The following NUMBL variants were observed in gnomAD, a reference collection of about 807,000 sequenced individuals.
NUMBL encodes the protein NUMB like endocytic adaptor protein.
NUMBL carries 20 observed loss-of-function variants against 48.9 expected under a neutral mutation model. The ratio of observed to expected loss-of-function variants is 0.41; its 90% confidence interval spans 0.29 to 0.59. The LOEUF (loss-of-function observed/expected upper bound fraction) is 0.59. Among genes scored for constraint, NUMBL ranks in the 20% least tolerant of loss-of-function variants. The probability of loss-of-function intolerance (pLI) is 0.31; values close to 1 mark genes in which losing one functional copy is unlikely to be tolerated. For synonymous variants in NUMBL, 340 were observed against 348.7 expected, an observed-to-expected ratio of 0.98 and a Z score of 0.28; for missense variants, 660 against 846.2, an observed-to-expected ratio of 0.78 and a Z score of 2.73.
chr19:40,686,374 G>C (rs996842827), intron 2 of NUMBL, among the ~76,000 whole-genome samples: 1 of 127,772 alleles, frequency 7.8e-6, no homozygotes, highest in African/African-American at 3.2e-5. Flanking sequence ...GGCTGGTCTC[G>C]AACTCCTGAC....
rs1261976441 is a variant in NUMBL at position 40,673,570 on chromosome 19, G to A, written c.810C>T (p.Ser270=). 1.3e-6 allele frequency: 2 copies of A among 1,546,960 alleles called. No homozygotes were observed. The highest frequency in any genetic ancestry group is 1.7e-6 in the Non-Finnish European group (2 of 1,143,618). ...TGCCTGCCTCACCCTTCTCACCAGG[G>A]GATGTGGTGGCTGGTGTCGGGGACA... The part of the protein sequence containing the change: ...GHVSPTPATT[S]PGEKGEAGTP... The change falls in exon 8 of 10, where the codon TCC becomes TCT. Residue 270 remains serine (S), a synonymous_variant. Transcript: ENST00000252891. This position sits in a 1 kb window ranked among gnomAD's most constrained non-coding sequence, Gnocchi z 5.9.
Position 40,677,229 on chromosome 19 carries a change from C to T in NUMBL, c.730+3G>A. On this transcript the variant is annotated splice_donor_region_variant and intron_variant, in intron 7 of 9. Transcript: ENST00000252891. ...CTCTGCTGGCGCTTGGGGCAACACC[C>T]ACCTTTCTTCTTGTCCGGGGCCTCT... 6.4e-7 allele frequency: 1 copy of T among 1,553,986 alleles called. No homozygotes were observed. The highest frequency in any genetic ancestry group is 8.7e-7 in the Non-Finnish European group (1 of 1,149,408).
rs2081944501 is a variant in NUMBL, at chr19:40,688,258, C to A, written c.25-1263G>T. On this transcript the variant is annotated intron_variant, in intron 1 of 9. Coordinates refer to ENST00000252891, the MANE Select transcript of NUMBL (RefSeq NM_004756.5). This position sits in a 1 kb window ranked among gnomAD's most constrained non-coding sequence, Gnocchi z 4.6. ...AACATATAGCCTTTCTTCATGCAGG[C>A]ACACAAGTCACACAGACAAGTATGT... is the stretch of plus-strand genomic sequence containing the variant. Among the ~76,000 whole-genome samples, 1 of 152,218 alleles carries A rather than the reference C, an allele frequency of 6.6e-6. No individual in the cohort carries two copies. Among genetic ancestry groups the A allele is most frequent in the Non-Finnish European group, 1.5e-5 (1 of 68,036 alleles).
chr19:40,669,825 G>A (rs772003222), intron 9 of NUMBL, 73 bp downstream of exon 9: 95 of 1,560,432 alleles, frequency 6.1e-5, no homozygotes, highest in Admixed American at 2.6e-4. Context: ...GGAGTGTCTG[G>A]GTAGCCCTGG....
intron 7 of NUMBL, among the ~76,000 whole-genome samples, chr19:40,675,805 T>G (rs1251319251): frequency 6.6e-6 from 1 of 152,154 alleles, no homozygotes; most frequent in East Asian, 1.9e-4. Context: ...TATTTAACCC[T>G]TATGCCATTC....
At position 40,666,047 on chromosome 19, in the gene NUMBL, T is replaced by C. The variant is rs1453116566; in HGVS notation, c.*1421A>G. The C allele has an allele frequency of 6.6e-6, 1 of 152,034 alleles. No homozygotes were observed. The highest frequency in any genetic ancestry group is 1.5e-5 in the Non-Finnish European group (1 of 68,036). 9.4% of individuals were successfully genotyped at this position (152,034 alleles called of 1,614,324 possible). On this transcript the variant is annotated 3_prime_UTR_variant, in exon 10 of 10. Coordinates refer to ENST00000252891, the MANE Select transcript of NUMBL (RefSeq NM_004756.5). ...ACACTTTGGCCAGAGTTATGGAAAA[T>C]GCTGACAAAACAAGAATTTGCCAGC...
rs1373044962 is a variant in NUMBL at position 40,682,301 on chromosome 19, A to AT, written c.399+426dup. 2.6e-5 allele frequency among the ~76,000 whole-genome samples: 4 copies of AT among 151,388 alleles called. No homozygotes were observed. The highest frequency in any genetic ancestry group is 5.9e-5 in the Non-Finnish European group (4 of 67,820). On this transcript the variant is annotated intron_variant, in intron 5 of 9. Transcript: ENST00000252891. This position sits in a 1 kb window ranked among gnomAD's most constrained non-coding sequence, Gnocchi z 4.0. ...ACCACCATGTCCAGCTAATTTTTGTATTTTTAGTGAGATGAGGTTTCACCA... is the reference window on the plus strand; with the variant it reads ...ACCACCATGTCCAGCTAATTTTTGTATTTTTTAGTGAGATGAGGTTTCACCA...
intron 6 of NUMBL, among the ~76,000 whole-genome samples, chr19:40,678,458 C>T (rs1599908268): frequency 6.6e-6 from 1 of 152,082 alleles, no homozygotes. Context: ...CCACCATGCC[C>T]GGCCGGGATT....
rs778206793 is a variant in NUMBL at position 40,667,656 on chromosome 19, C to T, written c.1642G>A (p.Ala548Thr). 2 of 1,563,786 alleles carry T rather than the reference C, an allele frequency of 1.3e-6. No individual in the cohort carries two copies. The highest frequency in any genetic ancestry group is 4.7e-5 in the East Asian group (2 of 42,290). ...CGAGGGCGGGCCTGGCTCCCAGGGG[C>T]ACTGGGTATGGCAGGGGGCGGGAAG... ...GAFPPPAIPS[A>T]PGSQARPRPN... The change falls in exon 10 of 10, where the codon GCC becomes ACC. Residue 548 changes from alanine (A) to threonine (T), a missense_variant. This residue lies in a region of NUMBL where 296 missense variants were observed against 339.7 expected (regional missense o/e 0.87). Coordinates refer to ENST00000252891, the MANE Select transcript of NUMBL (RefSeq NM_004756.5). This position sits in a 1 kb window ranked among gnomAD's most constrained non-coding sequence, Gnocchi z 6.1.
intron 3 of NUMBL, among the ~76,000 whole-genome samples, chr19:40,683,924 C>A (rs912046502): frequency 6.6e-6 from 1 of 151,838 alleles, no homozygotes; most frequent in African/African-American, 2.4e-5. Context: ...ACTACAGGTG[C>A]GTGCCACTGT....
rs77286649 is a variant in NUMBL at position 40,686,733 on chromosome 19, G to A, written c.109+178C>T. On this transcript the variant is annotated intron_variant, in intron 2 of 9. Coordinates refer to ENST00000252891, the MANE Select transcript of NUMBL (RefSeq NM_004756.5). Reference sequence around the variant, plus strand: ...TGACTCTGCACTTGAGGCTGTAAGGGTGTCAGGGTGTGGGTCTGTGCATGA... The same window carrying A: ...TGACTCTGCACTTGAGGCTGTAAGGATGTCAGGGTGTGGGTCTGTGCATGA... 8.5e-3 allele frequency among the ~76,000 whole-genome samples: 1,288 copies of A among 152,196 alleles called. 23 individuals carry two copies. The highest frequency in any genetic ancestry group is 0.029 in the African/African-American group (1,192 of 41,490).
chr19:40,680,799 A>G (rs1458750261), intron 6 of NUMBL, 118 bp downstream of exon 6: 9 of 1,150,224 alleles, frequency 7.8e-6, no homozygotes, highest in African/African-American at 1.5e-5. Context: ...TCTTCTCCAG[A>G]TGAGGAAACT....
chr19:40,690,497 GC>G lies in NUMBL; in HGVS notation c.-15del. 3.1e-6 allele frequency: 4 copies of G among 1,277,234 alleles called. No individual in the cohort carries two copies. The South Asian group carries it at 8.1e-5, about 26-fold the overall frequency. The allele number at this position is 1,277,234 out of a possible 1,614,324, so 79.1% of individuals were successfully genotyped here. On this transcript the variant is annotated 5_prime_UTR_variant, in exon 1 of 10. Transcript: ENST00000252891. ...GCTGCGGGACATCCAGGGCCCGGGC[GC>G]CCCCGCCTCCCGCGGCCCTGGCTGG...
chr19:40,680,727 G>C (rs1041197417), intron 6 of NUMBL, among the ~76,000 whole-genome samples, 190 bp downstream of exon 6: 1 of 152,206 alleles, frequency 6.6e-6, no homozygotes, highest in African/African-American at 2.4e-5. Flanking sequence ...GGGATTACAG[G>C]TGTGAGCCAC....
chr19:40,682,769 C>A lies in NUMBL; in HGVS notation c.358G>T (p.Val120Leu). The change falls in exon 5 of 10, where the codon GTG becomes TTG. Residue 120 changes from valine to leucine, a missense_variant. Val to Leu is a conservative substitution (Grantham distance 32, BLOSUM62 1). Around this residue, in one of 3 missense-constraint regions of NUMBL, gnomAD observed 278 missense variants for 420.6 expected, o/e 0.66. Transcript: ENST00000252891. The surrounding 1 kb of genome is among the most constrained non-coding windows in gnomAD (Gnocchi z 4.0). ...GRKSVKSVLWVSADGLRVVDD... is the reference protein window; with the variant it reads ...GRKSVKSVLWLSADGLRVVDD... ...ACCACTCGGAGCCCATCGGCTGACA[C>A]CCACAGGACAGACTTCACGGACTTT... 2.5e-6 allele frequency: 4 copies of A among 1,614,202 alleles called. No homozygotes were observed. The highest frequency in any genetic ancestry group is 3.4e-6 in the Non-Finnish European group (4 of 1,180,046).
chr19:40,667,954 G>A lies in NUMBL; in HGVS notation c.1344C>T (p.Ala448=), dbSNP rs1357788235. Residue 448 remains alanine (A), a synonymous_variant, in exon 10 of 10, where the codon GCC becomes GCT. Transcript: ENST00000252891. The surrounding 1 kb of genome is among the most constrained non-coding windows in gnomAD (Gnocchi z 6.1). ...GCATGGTGGGCACTGGGGCCACTGA[G>A]GCTGCTTGCTGCTGTTGCTGCTGCT... is the stretch of plus-strand genomic sequence containing the variant. The part of the protein sequence containing the change: ...QQQQQQQQQA[A]SVAPVPTMPP... 1.9e-6 allele frequency: 3 copies of A among 1,566,020 alleles called. No homozygotes were observed. Among genetic ancestry groups the A allele is most frequent in the East Asian group, 4.7e-5 (2 of 42,386 alleles).
At chr19:40,679,780 G>A (rs567886240) in intron 6 of NUMBL, among the ~76,000 whole-genome samples, 1 of 152,242 alleles carries the variant, frequency 6.6e-6, no homozygotes, top group Admixed American at 6.5e-5. Flanking sequence ...TCCACAGAGA[G>A]ACAAAGCAGA....
In NUMBL at chr19:40,667,459, C is replaced by T. The variant is rs200768143; in HGVS notation, c.*9G>A. The T allele has an allele frequency of 1.8e-4, 294 of 1,601,206 alleles. 1 individual carries two copies. In the African/African-American group the frequency reaches 3.1e-3, roughly 17 times the overall value. On this transcript the variant is annotated 3_prime_UTR_variant, in exon 10 of 10. Coordinates refer to ENST00000252891, the MANE Select transcript of NUMBL (RefSeq NM_004756.5). This position sits in a 1 kb window ranked among gnomAD's most constrained non-coding sequence, Gnocchi z 6.1. The stretch of plus-strand genomic sequence containing the variant: ...CCTGGAGATGATGGAGTGGGTGGGG[C>T]GGCTCGGGCTACAGTTCAATCTCGA...
rs2081815335 is a variant in NUMBL at position 40,667,373 on chromosome 19, G to A, written c.*95C>T. ...GGGGGTGTTGAGAGGGTGTTGAGGGGCGCAGCCCCAGGGAGCAGGGTTAGG... is the reference window on the plus strand; with the variant it reads ...GGGGGTGTTGAGAGGGTGTTGAGGGACGCAGCCCCAGGGAGCAGGGTTAGG... On this transcript the variant is annotated 3_prime_UTR_variant, in exon 10 of 10. Transcript: ENST00000252891. The surrounding 1 kb of genome is among the most constrained non-coding windows in gnomAD (Gnocchi z 6.1). 6.6e-7 allele frequency: 1 copy of A among 1,511,248 alleles called. No homozygotes were observed. The highest frequency in any genetic ancestry group is 8.8e-7 in the Non-Finnish European group (1 of 1,131,412). 93.6% of individuals were successfully genotyped at this position (1,511,248 alleles called of 1,614,324 possible).
Sources: allele counts gnomAD v4.1 joint callset (sites outside exome capture counted in the v4.1 genomes callset), GRCh38; gene constraint gnomAD v4.1.1; regional missense constraint gnomAD v4.1.1; non-coding constraint Gnocchi (gnomAD v3.1); transcripts MANE v1.5; gene names NCBI Gene and HGNC (gene_info 2026-07-23, HGNC 2026-07-21).